DGKB: variants seen among roughly 807,000 people sequenced by gnomAD.
The protein encoded by DGKB is diacylglycerol kinase beta, also known as 90 kDa diacylglycerol kinase.
A neutral mutation model predicts 114.3 loss-of-function variants in DGKB; 67 were observed. The ratio of observed to expected loss-of-function variants is 0.59; its 90% confidence interval spans 0.48 to 0.72. The LOEUF is 0.72. Among genes scored for constraint, DGKB ranks in the 30% least tolerant of loss-of-function variants. The probability of loss-of-function intolerance (pLI) is 0.00; values close to 1 mark genes in which losing one functional copy is unlikely to be tolerated. For missense variants in DGKB, 907 were observed against 975.2 expected, an observed-to-expected ratio of 0.93 and a Z score of 0.93; for synonymous variants, 398 against 323.1, an observed-to-expected ratio of 1.23 and a Z score of -2.49.
At chr7:14,280,664 G>A (rs1323426640) in intron 23 of DGKB, among the ~76,000 whole-genome samples, 2 of 150,888 alleles carry the variant, frequency 1.3e-5, no homozygotes, top group Non-Finnish European at 1.5e-5. Context: ...CGGATCTCTC[G>A]GCAGAAACCC....
At chr7:14,688,043 G>T (rs1181610819) in intron 9 of DGKB, among the ~76,000 whole-genome samples, 1 of 152,192 alleles carries the variant, frequency 6.6e-6, no homozygotes, top group Non-Finnish European at 1.5e-5. Context: ...TTCTTTAAGA[G>T]AAGAAATTGA....
intron 23 of DGKB, among the ~76,000 whole-genome samples, chr7:14,325,653 G>A (rs1186382863): frequency 6.6e-6 from 1 of 152,074 alleles, no homozygotes; most frequent in African/African-American, 2.4e-5. Context: ...ATTAGAACAG[G>A]TTTAAAGATG....
chr7:14,759,828 T>A (rs1562464647), intron 2 of DGKB, among the ~76,000 whole-genome samples: 1 of 152,144 alleles, frequency 6.6e-6, no homozygotes, highest in Non-Finnish European at 1.5e-5. Flanking sequence ...TTTGAGGAAC[T>A]GCCAAATTGA....
intron 7 of DGKB, among the ~76,000 whole-genome samples, chr7:14,700,396 T>TAG (rs1463731461): frequency 6.6e-6 from 1 of 152,036 alleles, no homozygotes; most frequent in Non-Finnish European, 1.5e-5. Context: ...GTATTTTTAG[T>TAG]AGAGACGGGG....
At chr7:14,941,454 T>C (rs902344317) in intron 1 of DGKB, among the ~76,000 whole-genome samples, 1 of 152,096 alleles carries the variant, frequency 6.6e-6, no homozygotes, top group African/African-American at 2.4e-5. Flanking sequence ...TACATTAAGA[T>C]TGTTATCCTG....
At chr7:14,260,742 T>C (rs1796653074) in intron 23 of DGKB, among the ~76,000 whole-genome samples, 1 of 152,190 alleles carries the variant, frequency 6.6e-6, no homozygotes, top group African/African-American at 2.4e-5. Flanking sequence ...AGCTACTTAA[T>C]ACCGTGGGAT....
At chr7:14,860,644 A>C (rs74779396) in intron 1 of DGKB, among the ~76,000 whole-genome samples, 5,160 of 151,980 alleles carry the variant, frequency 0.034, 198 homozygotes, top group Admixed American at 0.11. Context: ...CTAGAGAAAA[A>C]TTTTAATTAG....
intron 23 of DGKB, among the ~76,000 whole-genome samples, chr7:14,283,122 T>A (rs1800255591): frequency 6.6e-6 from 1 of 151,702 alleles, no homozygotes; most frequent in African/African-American, 2.4e-5. Flanking sequence ...ACCCACTGTC[T>A]CAGCCCAAAA....
chr7:14,869,067 A>G (rs1852092311), intron 1 of DGKB, among the ~76,000 whole-genome samples: 1 of 152,196 alleles, frequency 6.6e-6, no homozygotes, highest in Admixed American at 6.5e-5. Context: ...AAACATTGTC[A>G]GAATTCTTCA....
intron 23 of DGKB, among the ~76,000 whole-genome samples, chr7:14,275,291 A>G (rs918376848): frequency 6.6e-6 from 1 of 152,176 alleles, no homozygotes; most frequent in African/African-American, 2.4e-5. Context: ...CTCCTAATAC[A>G]GGCCCTGGTA....
At chr7:14,493,458 G>A (rs372584301) in intron 20 of DGKB, among the ~76,000 whole-genome samples, 9 of 152,110 alleles carry the variant, frequency 5.9e-5, no homozygotes, top group Admixed American at 5.9e-4. Flanking sequence ...ACGTGAATGT[G>A]GTGTTTATCT....
intron 20 of DGKB, among the ~76,000 whole-genome samples, chr7:14,549,210 C>A (rs1172550785): frequency 6.6e-6 from 1 of 151,986 alleles, no homozygotes; most frequent in African/African-American, 2.4e-5. Context: ...GAGTCAAGTG[C>A]TGCAAAACAC....
At chr7:14,307,333 TAA>T (rs1804651932) in intron 23 of DGKB, among the ~76,000 whole-genome samples, 1 of 152,198 alleles carries the variant, frequency 6.6e-6, no homozygotes, top group African/African-American at 2.4e-5. Flanking sequence ...TTCAATTAAT[TAA>T]AGTCTTTCAT....
intron 20 of DGKB, among the ~76,000 whole-genome samples, chr7:14,530,711 A>G (rs977214749): frequency 4.6e-5 from 7 of 151,678 alleles, no homozygotes; most frequent in Non-Finnish European, 1.0e-4. Flanking sequence ...ACTTCTTGCC[A>G]ATCTCACAAA....
intron 15 of DGKB, 76 bp from the exon 16 acceptor site, chr7:14,613,489 T>A: frequency 1.3e-6 from 1 of 779,556 alleles, no homozygotes; most frequent in South Asian, 1.7e-5. Context: ...TATTTCTAAA[T>A]TATAAAATAC....
chr7:14,273,944 C>T (rs1277249859), intron 23 of DGKB, among the ~76,000 whole-genome samples: 1 of 152,198 alleles, frequency 6.6e-6, no homozygotes, highest in Admixed American at 6.5e-5. Flanking sequence ...AACTTTACTT[C>T]AGGAATTACT....
At chr7:14,217,326 T>C (rs1789146500) in intron 23 of DGKB, among the ~76,000 whole-genome samples, 1 of 152,204 alleles carries the variant, frequency 6.6e-6, no homozygotes, top group Admixed American at 6.5e-5. Flanking sequence ...ATTTAATGTT[T>C]GGATTTTTGT....
At chr7:14,832,412 T>C (rs889457720) in intron 2 of DGKB, among the ~76,000 whole-genome samples, 2 of 152,082 alleles carry the variant, frequency 1.3e-5, no homozygotes, top group African/African-American at 2.4e-5. Context: ...ACTGTTTACT[T>C]TAGTTATAAT....
intron 21 of DGKB, among the ~76,000 whole-genome samples, chr7:14,460,248 A>G (rs1832878117): frequency 1.3e-5 from 2 of 152,176 alleles, no homozygotes; most frequent in African/African-American, 4.8e-5. Flanking sequence ...ACACATAACA[A>G]TATTAACCTT....
Sources: allele counts gnomAD v4.1 joint callset (sites outside exome capture counted in the v4.1 genomes callset), GRCh38; gene constraint gnomAD v4.1.1; transcripts MANE v1.5; gene names NCBI Gene and HGNC (gene_info 2026-07-23, HGNC 2026-07-21).